The following DHDDS variants were observed in gnomAD, a reference collection of about 807,000 sequenced individuals.
DHDDS encodes the protein dehydrodolichyl diphosphate synthase complex subunit DHDDS.
In DHDDS, 16 loss-of-function variants were observed where a neutral mutation model predicts 46.2. The observed-to-expected ratio is 0.35, with a 90% CI of 0.23 to 0.53. DHDDS has a LOEUF of 0.53. DHDDS is among the 20% of genes least tolerant of loss of function. The pLI is 0.94. For missense variants in DHDDS, 340 were observed against 423.7 expected, an observed-to-expected ratio of 0.80 and a Z score of 1.73; for synonymous variants, 151 against 163.1, an observed-to-expected ratio of 0.93 and a Z score of 0.56.
intron 1 of DHDDS, 48 bp from the exon 2 acceptor site, chr1:26,432,841 GCT>G: frequency 8.2e-7 from 1 of 1,214,954 alleles, no homozygotes; most frequent in Non-Finnish European, 1.2e-6. Flanking sequence ...GTCAGTTATA[GCT>G]CTTCGCAAAC....
At chr1:26,454,522 C>A in intron 6 of DHDDS, 1 of 564,366 alleles carries the variant, frequency 1.8e-6, no homozygotes, top group Non-Finnish European at 3.1e-6. Context: ...AAAGTGCACT[C>A]AAATCTATTA....
chr1:26,466,075 C>T (rs2075482557), intron 8 of DHDDS: 1 of 152,112 alleles, frequency 6.6e-6, no homozygotes, highest in Non-Finnish European at 1.5e-5. Context: ...AGGGATAATG[C>T]CCAGGAGGAA....
At chr1:26,449,851 GC>G in intron 6 of DHDDS, among the ~76,000 whole-genome samples, 1 of 152,296 alleles carries the variant, frequency 6.6e-6, no homozygotes, top group Non-Finnish European at 1.5e-5. Context: ...GAGCCACCGC[GC>G]CCGGCGGTTT....
chr1:26,467,711 G>A (rs752085413), intron 8 of DHDDS, among the ~76,000 whole-genome samples: 6 of 152,174 alleles, frequency 3.9e-5, no homozygotes, highest in Non-Finnish European at 8.8e-5. Context: ...CAAGTTTATC[G>A]TAATACAAGG....
Position 26,471,263 on chromosome 1 carries a change from TG to T in DHDDS, c.*2133del, listed in dbSNP as rs2075555743. On this transcript the variant is annotated 3_prime_UTR_variant, in exon 9 of 9. Coordinates refer to ENST00000236342, the MANE Select transcript of DHDDS (RefSeq NM_205861.3). ...TGAGGACATCTATCGTATTCTTGTG[TG>T]CTGGGTCTCAAATAGAATTTTTAAA... 1 of 152,196 alleles carries T rather than the reference TG, an allele frequency of 6.6e-6. No individual in the cohort carries two copies. The highest frequency in any genetic ancestry group is 1.5e-5 in the Non-Finnish European group (1 of 68,030). 9.4% of individuals were successfully genotyped at this position (152,196 alleles called of 1,614,324 possible).
Position 26,446,346 on chromosome 1 carries a change from C to T in DHDDS, c.354C>T (p.Ile118=). ...KEKLQKHGVC[I]RVLGDLHLLP... is the part of the protein sequence containing the mutation. Reference sequence around the variant, plus strand: ...AACTGCAGAAGCATGGGGTGTGTATCCGGGTCCTGGGCGATCTGCACTTGT... The same window carrying T: ...AACTGCAGAAGCATGGGGTGTGTATTCGGGTCCTGGGCGATCTGCACTTGT... Residue 118 remains isoleucine, a synonymous_variant, in exon 5 of 9, where the codon ATC becomes ATT. Transcript: ENST00000236342. 1 of 1,614,050 alleles carries T rather than the reference C, an allele frequency of 6.2e-7. No homozygotes were observed. The highest frequency in any genetic ancestry group is 8.5e-7 in the Non-Finnish European group (1 of 1,179,956).
intron 6 of DHDDS, among the ~76,000 whole-genome samples, chr1:26,454,202 C>G (rs764821998): frequency 5.3e-5 from 8 of 152,156 alleles, no homozygotes; most frequent in African/African-American, 1.9e-4. Context: ...ATCTGCCCGC[C>G]TCGGCCTCCC....
At chr1:26,465,874 C>T (rs1295932897) in intron 8 of DHDDS, among the ~76,000 whole-genome samples, 1 of 152,188 alleles carries the variant, frequency 6.6e-6, no homozygotes, top group African/African-American at 2.4e-5. Flanking sequence ...AAATGCATTC[C>T]TCATGCTGCT....
intron 7 of DHDDS, 96 bp from the exon 8 acceptor site, chr1:26,459,941 G>A: frequency 2.1e-6 from 2 of 969,312 alleles, no homozygotes; most frequent in South Asian, 2.6e-5. Context: ...CTGGGCTTCT[G>A]GGTCCTGCTT....
At chr1:26,453,154 G>A (rs1408982231) in intron 6 of DHDDS, among the ~76,000 whole-genome samples, 3 of 151,688 alleles carry the variant, frequency 2.0e-5, no homozygotes, top group East Asian at 3.9e-4. Flanking sequence ...TATAACACAT[G>A]AAATCACATA....
rs1408851331 is a variant in DHDDS, at chr1:26,446,419, A to G, written c.427A>G (p.Lys143Glu). 1 of 1,613,786 alleles carries G rather than the reference A, an allele frequency of 6.2e-7. No homozygotes were observed. Among genetic ancestry groups the G allele is most frequent in the Admixed American group, 1.7e-5 (1 of 59,998 alleles). The change falls in exon 5 of 9, where the codon AAG becomes GAG. Residue 143 changes from lysine (K) to glutamate (E), a missense_variant. By Grantham distance (56) the Lys-to-Glu change is moderately conservative. Transcript: ENST00000236342. ...ELIAQAVQAT[K>E]NYNKCFLNVC... ...GATTGCACAAGCTGTACAGGCCACG[A>G]AGAACTACAACAAGTAAGTTCTCAG...
intron 4 of DHDDS, among the ~76,000 whole-genome samples, chr1:26,443,727 G>T (rs1012881971): frequency 1.3e-5 from 2 of 152,136 alleles, no homozygotes; most frequent in Non-Finnish European, 2.9e-5. Context: ...TATTAGGATG[G>T]TGAGACTCTG....
intron 2 of DHDDS, among the ~76,000 whole-genome samples, chr1:26,436,800 A>G (rs2075162458): frequency 6.6e-6 from 1 of 152,154 alleles, no homozygotes; most frequent in South Asian, 2.1e-4. Context: ...CCAAGCCTGT[A>G]TTTAAGAGCA....
chr1:26,465,511 A>G (rs776908326), intron 8 of DHDDS, among the ~76,000 whole-genome samples: 1 of 152,228 alleles, frequency 6.6e-6, no homozygotes, highest in Admixed American at 6.5e-5. Flanking sequence ...CTACATAGCT[A>G]TATGACTGTA....
At chr1:26,452,502 C>G (rs935026934) in intron 6 of DHDDS, among the ~76,000 whole-genome samples, 4 of 152,210 alleles carry the variant, frequency 2.6e-5, no homozygotes, top group African/African-American at 9.7e-5. Context: ...AGGCCTCTGT[C>G]TTTCTTATAA....
rs763480094 is a variant in DHDDS at position 26,433,067 on chromosome 1, A to T, written c.63+59A>T. 3.0e-5 allele frequency: 47 copies of T among 1,572,080 alleles called. 1 individual carries two copies. In the East Asian group the frequency reaches 7.4e-4, roughly 25 times the overall value. ...TGGTCAGTTGGATAATCTTATATAA[A>T]AACCTGTTATTAAAGTTGATGATGT... On this transcript the variant is annotated intron_variant, in intron 2 of 8. Coordinates refer to ENST00000236342, the MANE Select transcript of DHDDS (RefSeq NM_205861.3).
At chr1:26,448,455 G>A (rs2075290667) in intron 6 of DHDDS, 1 of 152,828 alleles carries the variant, frequency 6.5e-6, no homozygotes. Context: ...ACAGGCGTGA[G>A]TCACCATGCC....
At position 26,457,771 on chromosome 1, in the gene DHDDS, T is replaced by C; in HGVS notation, c.543-20T>C. ...ACTACAGGATGTGTGCCTCTCTTTG[T>C]CTCTTCTTGCTCATCTTAGTGATAT... On this transcript the variant is annotated intron_variant, in intron 6 of 8. Coordinates refer to ENST00000236342, the MANE Select transcript of DHDDS (RefSeq NM_205861.3). 6.4e-7 allele frequency: 1 copy of C among 1,568,896 alleles called. No homozygotes were observed. The highest frequency in any genetic ancestry group is 8.8e-7 in the Non-Finnish European group (1 of 1,139,040).
intron 5 of DHDDS, 133 bp downstream of exon 5, chr1:26,446,565 A>G: frequency 2.5e-6 from 2 of 797,028 alleles, no homozygotes; most frequent in Non-Finnish European, 4.4e-6. Context: ...AGCAGCTTAG[A>G]GACTTTCTCC....
Sources: allele counts gnomAD v4.1 joint callset (sites outside exome capture counted in the v4.1 genomes callset), GRCh38; gene constraint gnomAD v4.1.1; transcripts MANE v1.5; gene names NCBI Gene and HGNC (gene_info 2026-07-23, HGNC 2026-07-21).